Variants in ITGA2 observed in about 807,000 individuals in gnomAD.
The protein encoded by ITGA2 is integrin alpha-2.
ITGA2 carries 101 observed loss-of-function variants against 146.3 expected under a neutral mutation model. The observed-to-expected ratio is 0.69, with a 90% CI of 0.59 to 0.81. The LOEUF (loss-of-function observed/expected upper bound fraction) is 0.81, where lower values mean the gene tolerates loss of function less well. ITGA2 is among the 40% of genes least tolerant of loss of function. ITGA2 has a pLI of 0.00. For synonymous variants in ITGA2, 477 were observed against 487.1 expected (o/e 0.98, Z 0.27); for missense variants, 1,281 against 1,402.7 (o/e 0.91, Z 1.39).
At chr5:53,020,048 T>C (rs1742597072) in intron 1 of ITGA2, among the ~76,000 whole-genome samples, 1 of 152,206 alleles carries the variant, frequency 6.6e-6, no homozygotes, top group African/African-American at 2.4e-5. Flanking sequence ...ACTGGAGGGA[T>C]GGGAGGATCT....
In ITGA2 at chr5:53,094,330, T is replaced by G. The variant is rs1440431330; in HGVS notation, c.*3731T>G. The G allele has an allele frequency of 6.6e-6, 1 of 152,096 alleles. No homozygotes were observed. Among genetic ancestry groups the G allele is most frequent in the Admixed American group, 6.6e-5 (1 of 15,260 alleles). The allele number at this position is 152,096 out of a possible 1,614,324, so 9.4% of individuals were successfully genotyped here. On this transcript the variant is annotated 3_prime_UTR_variant, in exon 30 of 30. Coordinates refer to ENST00000296585, the MANE Select transcript of ITGA2 (RefSeq NM_002203.4). ...AAATCTTAACTATTTCTTTGAACTCTAAAGACTGAAACTGTAGCCATTATG... is the reference window on the plus strand; with the variant it reads ...AAATCTTAACTATTTCTTTGAACTCGAAAGACTGAAACTGTAGCCATTATG...
In ITGA2 at chr5:53,051,450, T is replaced by C. The variant is rs1744358525; in HGVS notation, c.670T>C (p.Phe224Leu). The C allele has an allele frequency of 6.2e-7, 1 of 1,613,660 alleles. No homozygotes were observed. Among genetic ancestry groups the C allele is most frequent in the Non-Finnish European group, 8.5e-7 (1 of 1,179,720 alleles). The change falls in exon 7 of 30, where the codon TTT becomes CTT. Residue 224 changes from phenylalanine (F) to leucine (L), a missense_variant. Physicochemically the swap from Phe to Leu is conservative, Grantham distance 22. Transcript: ENST00000296585. ...IQYANNPRVV[F>L]NLNTYKTKEE... Reference sequence around the variant, plus strand: ...GTATGCCAATAATCCAAGAGTTGTGTTTAACTTGAACACATATAAAACCAA... The same window carrying C: ...GTATGCCAATAATCCAAGAGTTGTGCTTAACTTGAACACATATAAAACCAA...
At chr5:53,048,899 G>A (rs1744219300) in intron 6 of ITGA2, 129 bp downstream of exon 6, 2 of 1,047,512 alleles carry the variant, frequency 1.9e-6, no homozygotes, top group South Asian at 3.0e-5. Flanking sequence ...AGTTTTTAAA[G>A]TTAATTGAAA....
At chr5:53,035,559 A>G (rs1561108597) in intron 2 of ITGA2, among the ~76,000 whole-genome samples, 1 of 152,236 alleles carries the variant, frequency 6.6e-6, no homozygotes, top group Non-Finnish European at 1.5e-5. Context: ...CTTTCAATAT[A>G]TGCCAAAGAA....
Position 53,090,049 on chromosome 5 carries a change from C to A in ITGA2, c.3452C>A (p.Ala1151Glu), listed in dbSNP as rs760345603. The A allele has an allele frequency of 1.9e-6, 3 of 1,597,228 alleles. No individual in the cohort carries two copies. The highest frequency in any genetic ancestry group is 2.2e-5 in the South Asian group (2 of 90,762). Reference sequence around the variant, plus strand: ...ATCCTTTTGCTGTTAGCTCTGGTTGCAATTTTATGGAAGGTAAGAAAAGCT... The same window carrying A: ...ATCCTTTTGCTGTTAGCTCTGGTTGAAATTTTATGGAAGGTAAGAAAAGCT... Reference protein sequence around the residue: ...AGILLLLALVAILWKLGFFKR... With the variant: ...AGILLLLALVEILWKLGFFKR... The change falls in exon 29 of 30, where the codon GCA becomes GAA. Residue 1151 changes from alanine (A) to glutamate (E), a missense_variant. Ala to Glu is a moderately radical substitution (Grantham distance 107). Around this residue, in one of 3 missense-constraint regions of ITGA2, gnomAD observed 475 missense variants for 530.5 expected, o/e 0.90. Transcript: ENST00000296585.
At chr5:53,001,422 G>A (rs1741580173) in intron 1 of ITGA2, among the ~76,000 whole-genome samples, 1 of 152,136 alleles carries the variant, frequency 6.6e-6, no homozygotes, top group South Asian at 2.1e-4. Flanking sequence ...CGGTTCACAT[G>A]TCATGTAAGG....
chr5:53,055,159 T>A (rs1744571354), intron 7 of ITGA2, among the ~76,000 whole-genome samples: 1 of 152,054 alleles, frequency 6.6e-6, no homozygotes, highest in South Asian at 2.1e-4. Context: ...TTTAAAAAAA[T>A]AAGTATTGAT....
At position 53,083,357 on chromosome 5, in the gene ITGA2, C is replaced by T; in HGVS notation, c.3162C>T (p.Ser1054=). The T allele has an allele frequency of 1.2e-6, 2 of 1,608,866 alleles. No individual in the cohort carries two copies. Among genetic ancestry groups the T allele is most frequent in the Non-Finnish European group, 1.7e-6 (2 of 1,175,330 alleles). ...ACTATAAGAACTGCAGAACTGCTTC[C>T]TGTAGTAATGTTACCTGCTGGTTGA... The part of the protein sequence containing the change: ...HTKELNCRTA[S]CSNVTCWLKD... Residue 1054 remains serine, a synonymous_variant, in exon 27 of 30, where the codon TCC becomes TCT. Transcript: ENST00000296585.
intron 1 of ITGA2, among the ~76,000 whole-genome samples, chr5:53,024,210 G>T (rs1025682188): frequency 6.6e-6 from 1 of 152,114 alleles, no homozygotes; most frequent in Non-Finnish European, 1.5e-5. Flanking sequence ...CAGGATTGTT[G>T]TGGCACTCAA....
At chr5:53,036,465 C>T (rs958290022) in intron 2 of ITGA2, among the ~76,000 whole-genome samples, 1 of 152,192 alleles carries the variant, frequency 6.6e-6, no homozygotes, top group East Asian at 1.9e-4. Context: ...CATTCTGTTC[C>T]AGCCACAGGG....
intron 15 of ITGA2, 104 bp from the exon 16 acceptor site, chr5:53,067,014 G>A: frequency 8.5e-7 from 1 of 1,173,150 alleles, no homozygotes; most frequent in Non-Finnish European, 1.2e-6. Context: ...AGAGAGTAGA[G>A]AGAAAAATTC....
intron 1 of ITGA2, among the ~76,000 whole-genome samples, chr5:52,990,645 G>T (rs1469008942): frequency 3.4e-5 from 5 of 149,186 alleles, no homozygotes; most frequent in African/African-American, 1.2e-4. Flanking sequence ...TCAGCCACTT[G>T]CTATTCTTTA....
chr5:53,013,190 T>C (rs570262726), intron 1 of ITGA2, among the ~76,000 whole-genome samples: 2 of 152,238 alleles, frequency 1.3e-5, no homozygotes, highest in South Asian at 4.1e-4. Context: ...ATGTTCGGAA[T>C]GGTATTTCCT....
At chr5:53,024,108 G>T (rs1742818330) in intron 1 of ITGA2, among the ~76,000 whole-genome samples, 1 of 152,144 alleles carries the variant, frequency 6.6e-6, no homozygotes, top group South Asian at 2.1e-4. Context: ...GACTCAGAGT[G>T]GGTGACATTG....
chr5:53,063,675 G>A (rs1461494894), intron 13 of ITGA2, among the ~76,000 whole-genome samples: 1 of 151,676 alleles, frequency 6.6e-6, no homozygotes, highest in East Asian at 1.9e-4. Context: ...TTTAAGTATT[G>A]TGATATTTTG....
intron 2 of ITGA2, among the ~76,000 whole-genome samples, chr5:53,040,961 T>C (rs1743766031): frequency 6.6e-6 from 1 of 152,166 alleles, no homozygotes; most frequent in African/African-American, 2.4e-5. Flanking sequence ...ATATCTAGTT[T>C]TACTAGATTT....
intron 2 of ITGA2, among the ~76,000 whole-genome samples, chr5:53,033,684 G>A (rs1743348542): frequency 6.6e-6 from 1 of 151,892 alleles, no homozygotes; most frequent in Non-Finnish European, 1.5e-5. Flanking sequence ...TGCAACCTCT[G>A]CCTCCTGGGT....
At chr5:53,087,178 T>G (rs1746198313) in intron 28 of ITGA2, 137 bp downstream of exon 28, 1 of 723,142 alleles carries the variant, frequency 1.4e-6, no homozygotes, top group South Asian at 1.5e-5. Context: ...CTGATGTTTA[T>G]TATGTTGAGA....
Position 53,090,628 on chromosome 5 carries a change from G to T in ITGA2, c.*29G>T, listed in dbSNP as rs13173706. On this transcript the variant is annotated 3_prime_UTR_variant, in exon 30 of 30. Coordinates refer to ENST00000296585, the MANE Select transcript of ITGA2 (RefSeq NM_002203.4). ...AGCAGACCTACCTGCAGTGGGAACCGGCAGCATCCCAGCCAGGGTTTGCTG... is the reference window on the plus strand; with the variant it reads ...AGCAGACCTACCTGCAGTGGGAACCTGCAGCATCCCAGCCAGGGTTTGCTG... 2 of 1,560,210 alleles carry T rather than the reference G, an allele frequency of 1.3e-6. No individual in the cohort carries two copies. Among genetic ancestry groups the T allele is most frequent in the Non-Finnish European group, 1.8e-6 (2 of 1,131,030 alleles).
Sources: gnomAD v4.1 joint callset for allele counts (sites outside exome capture counted in the v4.1 genomes callset) on GRCh38, gnomAD v4.1.1 for gene constraint, gnomAD v4.1.1 regional missense constraint, MANE v1.5 for transcripts, NCBI Gene and HGNC (gene_info 2026-07-23, HGNC 2026-07-21) for gene names.